UTRN: variants seen among roughly 807,000 people sequenced by gnomAD.
UTRN encodes utrophin, also known as dystrophin-related protein 1.
In UTRN, 283 loss-of-function variants were observed where a neutral mutation model predicts 463.9. The observed-to-expected ratio is 0.61, with a 90% confidence interval of 0.55 to 0.67. The LOEUF (loss-of-function observed/expected upper bound fraction) is 0.67. UTRN is among the 30% of genes least tolerant of loss of function. The pLI is 0.00. For synonymous variants in UTRN, 1,442 were observed against 1,431.5 expected, an observed-to-expected ratio of 1.01 and a Z score of -0.17; for missense variants, 3,922 against 4,084.3, an observed-to-expected ratio of 0.96 and a Z score of 1.08.
At position 144,365,488 on chromosome 6, in the gene UTRN, A is replaced by T. The variant is rs573193419; in HGVS notation, c.80-37635A>T. Among the ~76,000 whole-genome samples, 6 of 152,316 alleles carry T rather than the reference A, an allele frequency of 3.9e-5. No homozygotes were observed. In the South Asian group the frequency reaches 1.2e-3, roughly 32 times the overall value. On this transcript the variant is annotated intron_variant, in intron 2 of 74. Coordinates refer to ENST00000367545, the MANE Select transcript of UTRN (RefSeq NM_007124.3). Reference sequence around the variant, plus strand: ...TAGGATTCTCCACTTTTCACATTTTATTCTGAAATTGCATGCTTCAGTTAA... The same window carrying T: ...TAGGATTCTCCACTTTTCACATTTTTTTCTGAAATTGCATGCTTCAGTTAA...
At chr6:144,822,253 A>G (rs778758970) in intron 66 of UTRN, among the ~76,000 whole-genome samples, 4 of 152,120 alleles carry the variant, frequency 2.6e-5, no homozygotes, top group African/African-American at 9.6e-5. Flanking sequence ...TTTATGTACC[A>G]GTTTATCTCT....
intron 51 of UTRN, among the ~76,000 whole-genome samples, chr6:144,657,281 A>G (rs894032672): frequency 3.3e-5 from 5 of 150,568 alleles, no homozygotes; most frequent in Non-Finnish European, 7.4e-5. Context: ...AAAGAGGCTG[A>G]CATCATAGCT....
rs548497499 is a variant in UTRN at position 144,396,862 on chromosome 6, T to A, written c.80-6261T>A. Among the ~76,000 whole-genome samples the A allele has an allele frequency of 3.3e-5, 5 of 152,276 alleles. No homozygotes were observed. In the South Asian group the frequency reaches 1.0e-3, roughly 32 times the overall value. On this transcript the variant is annotated intron_variant, in intron 2 of 74. Coordinates refer to ENST00000367545, the MANE Select transcript of UTRN (RefSeq NM_007124.3). ...CAGGATGGAATCCCATCAGGCACCCTCTTATATACTTCCTACTCCTGTCCT... is the reference window on the plus strand; with the variant it reads ...CAGGATGGAATCCCATCAGGCACCCACTTATATACTTCCTACTCCTGTCCT...
intron 53 of UTRN, chr6:144,706,856 T>C (rs1785151239): frequency 6.6e-6 from 1 of 152,180 alleles, no homozygotes; most frequent in South Asian, 2.1e-4. Context: ...ATACTGATAG[T>C]GTGTGAAAAC....
Position 144,846,811 on chromosome 6 carries a change from T to C in UTRN, c.10277T>C (p.Val3426Ala), listed in dbSNP as rs1196884618. ...CTTTTGTTTTCTCTTTCAGCAAATG[T>C]TCCCAGCAGGCCACAGGTAAGAGTT... ...HSTFPSCCPN[V>A]PSRPQAM is the part of the protein sequence containing the mutation. Residue 3426 changes from valine to alanine, a missense_variant, in exon 74 of 75, where the codon GTT (valine) becomes GCT (alanine). Around this residue, in one of 3 missense-constraint regions of UTRN, gnomAD observed 1,309 missense variants for 1,452.6 expected, o/e 0.90. Transcript: ENST00000367545. 6.2e-7 allele frequency: 1 copy of C among 1,613,934 alleles called. No homozygotes were observed. Among genetic ancestry groups the C allele is most frequent in the Non-Finnish European group, 8.5e-7 (1 of 1,179,942 alleles).
At chr6:144,588,102 C>G (rs940484022) in intron 51 of UTRN, among the ~76,000 whole-genome samples, 2 of 152,100 alleles carry the variant, frequency 1.3e-5, no homozygotes, top group Non-Finnish European at 1.5e-5. Flanking sequence ...GCGTTTGTTT[C>G]TGCACTTCCT....
At chr6:144,484,218 C>A (rs570387757) in intron 27 of UTRN, among the ~76,000 whole-genome samples, 4 of 152,068 alleles carry the variant, frequency 2.6e-5, no homozygotes, top group Non-Finnish European at 5.9e-5. Flanking sequence ...ACAGTAAGAA[C>A]AGTATAACTC....
chr6:144,412,736 GTA>G (rs752178936), intron 3 of UTRN, among the ~76,000 whole-genome samples: 4,868 of 106,610 alleles, frequency 0.046, 121 homozygotes, highest in South Asian at 0.088. Context: ...GTGTGTGTGT[GTA>G]TATATATATA....
chr6:144,638,406 T>G (rs1329466995), intron 51 of UTRN, among the ~76,000 whole-genome samples: 1 of 152,202 alleles, frequency 6.6e-6, no homozygotes, highest in Non-Finnish European at 1.5e-5. Context: ...GTTTTGAATG[T>G]GGTGAAATTG....
intron 51 of UTRN, chr6:144,583,546 G>A: frequency 2.8e-6 from 2 of 715,960 alleles, no homozygotes; most frequent in Non-Finnish European, 5.2e-6. Flanking sequence ...TGGTTTTGTT[G>A]CATCGCTTAC....
At chr6:144,692,688 T>C (rs1783557472) in intron 52 of UTRN, among the ~76,000 whole-genome samples, 1 of 152,212 alleles carries the variant, frequency 6.6e-6, no homozygotes, top group Non-Finnish European at 1.5e-5. Flanking sequence ...GCTGCATATA[T>C]GTCTTCTTTT....
intron 65 of UTRN, among the ~76,000 whole-genome samples, chr6:144,808,280 A>ATT (rs11430968): frequency 1.7e-4 from 26 of 151,356 alleles, no homozygotes; most frequent in Middle Eastern, 6.9e-3. Context: ...AGAGTAGTCA[A>ATT]TTTTTTTTTG....
chr6:144,709,222 CTT>C lies in UTRN; in HGVS notation c.7809+8982_7809+8983del, dbSNP rs66749781. On this transcript the variant is annotated intron_variant, in intron 53 of 74. Coordinates refer to ENST00000367545, the MANE Select transcript of UTRN (RefSeq NM_007124.3). ...CTCTTCTTTAAGGGAATACAGAACT[CTT>C]TTCAATTATAACATTATGATGTAGC... 4.7e-3 allele frequency among the ~76,000 whole-genome samples: 714 copies of C among 152,288 alleles called. 32 individuals are homozygous for C. In the East Asian group the frequency reaches 0.095, roughly 20 times the overall value.
chr6:144,541,568 A>G (rs1797976942), intron 45 of UTRN, among the ~76,000 whole-genome samples: 1 of 152,226 alleles, frequency 6.6e-6, no homozygotes, highest in Non-Finnish European at 1.5e-5. Context: ...AAATTCTAAC[A>G]TGGTTTATTT....
intron 51 of UTRN, among the ~76,000 whole-genome samples, chr6:144,671,450 G>T (rs1026773072): frequency 6.6e-6 from 1 of 151,884 alleles, no homozygotes; most frequent in Non-Finnish European, 1.5e-5. Context: ...GTCACTGTTG[G>T]TGTATAGCTG....
intron 14 of UTRN, among the ~76,000 whole-genome samples, chr6:144,445,337 G>A (rs959195096): frequency 1.6e-5 from 2 of 125,942 alleles, no homozygotes; most frequent in African/African-American, 6.1e-5. Flanking sequence ...GGAGACAAGA[G>A]CGAGACTCCC....
chr6:144,578,342 G>A (rs1801643162), intron 51 of UTRN, among the ~76,000 whole-genome samples: 1 of 152,102 alleles, frequency 6.6e-6, no homozygotes, highest in South Asian at 2.1e-4. Context: ...GTGAACACGT[G>A]TTCCATTGTC....
chr6:144,556,160 C>T (rs1799363411), intron 49 of UTRN, among the ~76,000 whole-genome samples: 1 of 152,152 alleles, frequency 6.6e-6, no homozygotes, highest in African/African-American at 2.4e-5. Context: ...TGCCCTTCAG[C>T]TAGCCTAAGA....
At chr6:144,469,435 T>C (rs572083068) in intron 23 of UTRN, among the ~76,000 whole-genome samples, 1 of 152,314 alleles carries the variant, frequency 6.6e-6, no homozygotes, top group South Asian at 2.1e-4. Flanking sequence ...GTTGTTATGA[T>C]TCCAGTTTCA....
Sources: allele counts gnomAD v4.1 joint callset (sites outside exome capture counted in the v4.1 genomes callset), GRCh38; gene constraint gnomAD v4.1.1; regional missense constraint gnomAD v4.1.1; transcripts MANE v1.5; gene names NCBI Gene and HGNC (gene_info 2026-07-23, HGNC 2026-07-21).